Variants in APBB2 observed in about 807,000 individuals in gnomAD.
APBB2 encodes Fe65-like 1.
Under a neutral mutation model 82.5 loss-of-function variants are expected in APBB2, and 38 were observed. The ratio of observed to expected loss-of-function variants is 0.46; its 90% confidence interval spans 0.36 to 0.60. The LOEUF (loss-of-function observed/expected upper bound fraction) is 0.60. Among genes scored for constraint, APBB2 ranks in the 20% least tolerant of loss-of-function variants. APBB2 has a pLI of 0.00. For synonymous variants in APBB2, 341 were observed against 368.2 expected (o/e 0.93, Z 0.85); for missense variants, 772 against 972.3 (o/e 0.79, Z 2.74).
chr4:40,945,103 G>T, intron 6 of APBB2, 30 bp from the exon 7 acceptor site: 1 of 1,019,562 alleles, frequency 9.8e-7, no homozygotes, highest in Non-Finnish European at 1.4e-6. Context: ...GGCGGGGGGA[G>T]AAAGAGAGAA....
intron 3 of APBB2, among the ~76,000 whole-genome samples, chr4:41,094,430 C>T (rs758331306): frequency 8.5e-5 from 13 of 152,232 alleles, no homozygotes; most frequent in Non-Finnish European, 1.8e-4. Flanking sequence ...TCAGTCCAAA[C>T]ACCAAACTAA....
intron 4 of APBB2, among the ~76,000 whole-genome samples, chr4:41,035,746 G>A (rs998135793): frequency 1.1e-4 from 17 of 152,272 alleles, no homozygotes; most frequent in Admixed American, 2.0e-4. Context: ...GCCTGTGATG[G>A]TTGCATCTGT....
At chr4:40,844,626 T>C (rs1380129462) in intron 12 of APBB2, among the ~76,000 whole-genome samples, 2 of 152,190 alleles carry the variant, frequency 1.3e-5, no homozygotes, top group East Asian at 3.8e-4. Flanking sequence ...CCCTCTGTGC[T>C]ACTCGGTTCC....
chr4:41,069,302 C>T lies in APBB2; in HGVS notation c.-148-3629G>A, dbSNP rs28498493. 2.7e-3 allele frequency among the ~76,000 whole-genome samples: 416 copies of T among 152,276 alleles called. 3 individuals carry two copies. Among genetic ancestry groups the T allele is most frequent in the African/African-American group, 9.4e-3 (392 of 41,550 alleles). ...TGCCATCCCACTGTGATCTCCTGAA[C>T]GCTTTTCCATCTAGGGTTTTAGCCA... On this transcript the variant is annotated intron_variant, in intron 3 of 17. Coordinates refer to ENST00000508593, the MANE Select transcript of APBB2 (RefSeq NM_004307.2).
chr4:41,022,020 C>A (rs1359394825), intron 5 of APBB2, among the ~76,000 whole-genome samples: 1 of 152,114 alleles, frequency 6.6e-6, no homozygotes, highest in African/African-American at 2.4e-5. Flanking sequence ...TCTAAAGGAA[C>A]AAACTCCAGA....
chr4:40,841,299 C>T (rs1755728247), intron 12 of APBB2, among the ~76,000 whole-genome samples: 1 of 152,190 alleles, frequency 6.6e-6, no homozygotes, highest in African/African-American at 2.4e-5. Flanking sequence ...GCCTTCGTGT[C>T]TCTCCGCTTT....
intron 1 of APBB2, among the ~76,000 whole-genome samples, chr4:41,212,806 G>A (rs981328429): frequency 2.6e-5 from 4 of 152,040 alleles, no homozygotes; most frequent in African/African-American, 9.7e-5. Flanking sequence ...GTGTTCTCTC[G>A]GCATTTCCCC....
Position 41,013,999 on chromosome 4 carries a change from G to C in APBB2, c.419C>G (p.Pro140Arg), listed in dbSNP as rs763309569. Residue 140 changes from proline (P) to arginine (R), a missense_variant, in exon 6 of 18, where the codon CCC becomes CGC. Physicochemically the swap from Pro to Arg is moderately radical, Grantham distance 103. Transcript: ENST00000508593. ...ITSEKLEGKE[P>R]HPQDSSSCEI... ...ACAGCTCGAGGAATCCTGTGGGTGG[G>C]GCTCTTTACCCTCTAACTTCTCAGA... 1.2e-5 allele frequency: 20 copies of C among 1,613,998 alleles called. No homozygotes were observed. The highest frequency in any genetic ancestry group is 1.6e-5 in the Non-Finnish European group (19 of 1,179,990).
At chr4:40,838,111 A>T (rs1188635785) in intron 12 of APBB2, among the ~76,000 whole-genome samples, 2 of 150,750 alleles carry the variant, frequency 1.3e-5, no homozygotes, top group Non-Finnish European at 3.0e-5. Context: ...TATGGAATGA[A>T]TAAATGATTC....
rs539058419 is a variant in APBB2, at chr4:41,018,355, G to A, written c.20-3957C>T. 9.8e-5 allele frequency among the ~76,000 whole-genome samples: 15 copies of A among 152,326 alleles called. No individual in the cohort carries two copies. The South Asian group carries it at 2.1e-3, about 21-fold the overall frequency. On this transcript the variant is annotated intron_variant, in intron 5 of 17. Transcript: ENST00000508593. ...AGTCACAGAAATCACAGAGGGTGAC[G>A]GGTGGGCAGATGCAGAGGAATAAGT...
intron 1 of APBB2, among the ~76,000 whole-genome samples, chr4:41,182,308 T>C (rs1374017264): frequency 1.3e-5 from 2 of 152,222 alleles, no homozygotes; most frequent in African/African-American, 2.4e-5. Flanking sequence ...CAATGGTCAA[T>C]TTGAACCTTC....
At chr4:41,156,049 A>G (rs1258687379) in intron 1 of APBB2, among the ~76,000 whole-genome samples, 2 of 152,164 alleles carry the variant, frequency 1.3e-5, no homozygotes, top group Non-Finnish European at 2.9e-5. Context: ...TTAGTAGTAC[A>G]TAAGTTGACA....
intron 6 of APBB2, among the ~76,000 whole-genome samples, chr4:40,974,074 G>A (rs140469113): frequency 0.034 from 5,199 of 151,634 alleles, 130 homozygotes; most frequent in Middle Eastern, 0.071. Context: ...GGCTGGTCTC[G>A]AACTCCTGAC....
chr4:41,169,682 A>C (rs563746107), intron 1 of APBB2, among the ~76,000 whole-genome samples: 24 of 152,246 alleles, frequency 1.6e-4, no homozygotes, highest in Non-Finnish European at 1.6e-4. Flanking sequence ...CGATATGGTA[A>C]AATCGTTCTT....
chr4:40,889,284 T>A (rs984198393), intron 12 of APBB2, among the ~76,000 whole-genome samples: 4 of 152,240 alleles, frequency 2.6e-5, no homozygotes, highest in Non-Finnish European at 4.4e-5. Flanking sequence ...TTGGCCATAA[T>A]CCTTCCTTTC....
In APBB2 at chr4:41,127,200, T is replaced by C. The variant is rs768019504; in HGVS notation, c.-261+15787A>G. 6.6e-6 allele frequency among the ~76,000 whole-genome samples: 1 copy of C among 152,196 alleles called. No individual in the cohort carries two copies. The highest frequency in any genetic ancestry group is 1.5e-5 in the Non-Finnish European group (1 of 68,018). ...AAAAAAAAAAAGCAACATATCTTTT[T>C]CACTGTCTTTATGAAATACTTCATA... On this transcript the variant is annotated intron_variant, in intron 2 of 17. Coordinates refer to ENST00000508593, the MANE Select transcript of APBB2 (RefSeq NM_004307.2). The surrounding 1 kb of genome is among the most constrained non-coding windows in gnomAD (Gnocchi z 4.8).
At chr4:40,975,859 T>G (rs894017196) in intron 6 of APBB2, among the ~76,000 whole-genome samples, 2 of 152,000 alleles carry the variant, frequency 1.3e-5, no homozygotes, top group African/African-American at 2.4e-5. Flanking sequence ...TCTCTACTGA[T>G]TTCTTATTTC....
At chr4:40,834,955 G>T (rs1159731237) in intron 12 of APBB2, among the ~76,000 whole-genome samples, 2 of 152,184 alleles carry the variant, frequency 1.3e-5, no homozygotes, top group East Asian at 3.8e-4. Context: ...TTATGGTGTG[G>T]TATTAAAGAC....
intron 1 of APBB2, among the ~76,000 whole-genome samples, chr4:41,167,209 C>T (rs971595246): frequency 1.8e-4 from 28 of 152,212 alleles, no homozygotes; most frequent in African/African-American, 6.8e-4. Context: ...GAGCATGCCA[C>T]CCTCCCAGCA....
Sources: allele counts gnomAD v4.1 joint callset (sites outside exome capture counted in the v4.1 genomes callset), GRCh38; gene constraint gnomAD v4.1.1; non-coding constraint Gnocchi (gnomAD v3.1); transcripts MANE v1.5; gene names NCBI Gene and HGNC (gene_info 2026-07-23, HGNC 2026-07-21).